TAFA5: variants seen among roughly 807,000 people sequenced by gnomAD.
TAFA5 encodes TAFA chemokine like family member 5.
TAFA5 carries 6 observed loss-of-function variants against 15.3 expected under a neutral mutation model. The ratio of observed to expected loss-of-function variants is 0.39; its 90% CI spans 0.21 to 0.77. The LOEUF is 0.77. TAFA5 is among the 30% of genes least tolerant of loss of function. TAFA5 has a pLI of 0.41. For synonymous variants in TAFA5, 103 were observed against 80.7 expected, an observed-to-expected ratio of 1.28 and a Z score of -1.48; for missense variants, 161 against 193.1, an observed-to-expected ratio of 0.83 and a Z score of 0.98.
chr22:48,625,663 G>A (rs753784263), intron 1 of TAFA5, among the ~76,000 whole-genome samples: 3 of 152,104 alleles, frequency 2.0e-5, no homozygotes, highest in Admixed American at 6.5e-5. Context: ...TGCTCCTAAC[G>A]CCAGATAAAA....
At chr22:48,542,192 GTA>G (rs1270503739) in intron 1 of TAFA5, among the ~76,000 whole-genome samples, 5 of 147,734 alleles carry the variant, frequency 3.4e-5, no homozygotes, top group African/African-American at 7.6e-5. Context: ...TGTGTCGTGT[GTA>G]TGTGTGTGTG....
rs957623061 is a variant in TAFA5, at chr22:48,576,316, A to G, written c.113-70281A>G. The G allele has an allele frequency of 6.3e-5, 75 of 1,195,682 alleles. No individual in the cohort carries two copies. In the African/African-American group the frequency reaches 1.1e-3, roughly 18 times the overall value. The allele number at this position is 1,195,682 out of a possible 1,614,324, so 74.1% of individuals were successfully genotyped here. On this transcript the variant is annotated intron_variant, in intron 1 of 3. Transcript: ENST00000402357. The stretch of plus-strand genomic sequence containing the variant: ...CTCCCCCCTGCCCAGAAAGACACAA[A>G]TCGCCTCCCGGAGTGGCGCCTCCAG...
intron 1 of TAFA5, among the ~76,000 whole-genome samples, chr22:48,577,859 G>A (rs1569032186): frequency 6.6e-6 from 1 of 152,226 alleles, no homozygotes; most frequent in Non-Finnish European, 1.5e-5. Context: ...CCCCAGGTGG[G>A]AGGCCCAACT....
At chr22:48,558,760 C>T (rs775374110) in intron 1 of TAFA5, among the ~76,000 whole-genome samples, 2 of 152,200 alleles carry the variant, frequency 1.3e-5, no homozygotes, top group Non-Finnish European at 2.9e-5. Context: ...GGGCGTGACA[C>T]GAGTGTGTGC....
intron 1 of TAFA5, among the ~76,000 whole-genome samples, chr22:48,630,948 C>T (rs903580796): frequency 6.6e-6 from 1 of 152,180 alleles, no homozygotes; most frequent in Non-Finnish European, 1.5e-5. Context: ...CTCTGGGATG[C>T]AAGGCCCAGG....
At chr22:48,743,003 A>ACATCCCCAGGACTCACTCGGGTCAGG (rs1217720982) in intron 3 of TAFA5, among the ~76,000 whole-genome samples, 21 of 152,190 alleles carry the variant, frequency 1.4e-4, no homozygotes, top group Non-Finnish European at 2.5e-4. Context: ...ATTCCAGTCA[A>ACATCCCCAGGACTCACTCGGGTCAGG]CATCCCCAGG....
chr22:48,542,721 TGTGTGGTGTGTATA>T (rs1922500947), intron 1 of TAFA5, among the ~76,000 whole-genome samples: 1 of 143,746 alleles, frequency 7.0e-6, no homozygotes, highest in African/African-American at 2.6e-5. Flanking sequence ...TATTAGTGTG[TGTGTGGTGTGTATA>T]GTGATATGTG....
At chr22:48,516,971 C>T (rs1302855590) in intron 1 of TAFA5, among the ~76,000 whole-genome samples, 1 of 152,208 alleles carries the variant, frequency 6.6e-6, no homozygotes, top group Non-Finnish European at 1.5e-5. Flanking sequence ...TTAAAATTCA[C>T]ATAACAAAAT....
intron 1 of TAFA5, among the ~76,000 whole-genome samples, chr22:48,590,281 C>G (rs906984484): frequency 6.6e-6 from 1 of 152,206 alleles, no homozygotes; most frequent in African/African-American, 2.4e-5. Context: ...GCTCCTCCTT[C>G]CATAAATCCA....
chr22:48,708,003 G>GTCCCCCTGA (rs1929136054), intron 3 of TAFA5, among the ~76,000 whole-genome samples, 159 bp downstream of exon 3: 1 of 142,706 alleles, frequency 7.0e-6, no homozygotes. Context: ...CTCCCTCTCT[G>GTCCCCCTGA]GTGCTAAATT....
Position 48,576,434 on chromosome 22 carries a change from C to T in TAFA5, c.113-70163C>T, listed in dbSNP as rs371861843. ...GCGGGGCGCTGATGCGGCGCCTGGA[C>T]CTTCGCTGCGCGACTTCGGGGGCGT... On this transcript the variant is annotated intron_variant, in intron 1 of 3. Coordinates refer to ENST00000402357, the MANE Select transcript of TAFA5 (RefSeq NM_001082967.3). 6.6e-4 allele frequency: 888 copies of T among 1,339,632 alleles called. 3 individuals carry two copies. In the African/African-American group the frequency reaches 0.012, roughly 17 times the overall value. The allele number at this position is 1,339,632 out of a possible 1,614,324, so 83.0% of individuals were successfully genotyped here.
At chr22:48,616,604 G>T (rs1402233488) in intron 1 of TAFA5, among the ~76,000 whole-genome samples, 1 of 152,080 alleles carries the variant, frequency 6.6e-6, no homozygotes, top group Admixed American at 6.6e-5. Flanking sequence ...TTTTGCCTGC[G>T]CATGGAAACC....
chr22:48,585,655 A>T (rs1419801919), intron 1 of TAFA5, among the ~76,000 whole-genome samples: 2 of 146,606 alleles, frequency 1.4e-5, no homozygotes, highest in African/African-American at 2.5e-5. Context: ...ACTATGCATT[A>T]TGCACACACA....
At chr22:48,509,960 A>AAAAAAG (rs201595844) in intron 1 of TAFA5, among the ~76,000 whole-genome samples, 12 of 86,086 alleles carry the variant, frequency 1.4e-4, no homozygotes, top group East Asian at 9.5e-4. Flanking sequence ...CAAAAAAAAA[A>AAAAAAG]AAAAAGAAAA....
chr22:48,606,817 G>A (rs184586802), intron 1 of TAFA5, among the ~76,000 whole-genome samples: 1 of 152,198 alleles, frequency 6.6e-6, no homozygotes, highest in African/African-American at 2.4e-5. Context: ...GGCCTAGGGC[G>A]CTCTGATGAT....
intron 1 of TAFA5, among the ~76,000 whole-genome samples, chr22:48,554,027 C>T (rs1270306132): frequency 6.6e-6 from 1 of 152,222 alleles, no homozygotes; most frequent in Non-Finnish European, 1.5e-5. Context: ...CACAGGCTTC[C>T]TTTTTATCCT....
At chr22:48,667,171 A>T (rs1172061308) in intron 2 of TAFA5, among the ~76,000 whole-genome samples, 1 of 152,102 alleles carries the variant, frequency 6.6e-6, no homozygotes, top group Non-Finnish European at 1.5e-5. Context: ...ACAGGGCAGC[A>T]GGGATGAGGT....
At chr22:48,724,315 G>A (rs563859875) in intron 3 of TAFA5, among the ~76,000 whole-genome samples, 2 of 152,328 alleles carry the variant, frequency 1.3e-5, no homozygotes, top group Admixed American at 6.5e-5. Context: ...GTTCTCACAG[G>A]ACACAGGGAC....
rs1209519814 is a variant in TAFA5 at position 48,489,637 on chromosome 22, C to A, written c.45C>A (p.Ala15=). Residue 15 remains alanine, a synonymous_variant, in exon 1 of 4, where the codon GCC becomes GCA. Coordinates refer to ENST00000402357, the MANE Select transcript of TAFA5 (RefSeq NM_001082967.3). This position sits in a 1 kb window ranked among gnomAD's most constrained non-coding sequence, Gnocchi z 5.5. ...PRTGSRQDAT[A]LPSMSSTFWA... is the part of the protein sequence containing the mutation. ...CCGGCAGCCGGCAAGATGCGACCGC[C>A]CTGCCCAGCATGTCCTCAACTTTCT... 1.3e-6 allele frequency: 2 copies of A among 1,524,062 alleles called. No individual in the cohort carries two copies. The highest frequency in any genetic ancestry group is 1.2e-5 in the South Asian group (1 of 82,092). 94.4% of individuals were successfully genotyped at this position (1,524,062 alleles called of 1,614,324 possible).
Sources: gnomAD v4.1 joint callset for allele counts (sites outside exome capture counted in the v4.1 genomes callset) on GRCh38, gnomAD v4.1.1 for gene constraint, Gnocchi (gnomAD v3.1) non-coding constraint, MANE v1.5 for transcripts, NCBI Gene and HGNC (gene_info 2026-07-23, HGNC 2026-07-21) for gene names.